QTMAN: variants seen among roughly 807,000 people sequenced by gnomAD.
QTMAN encodes queuosine-tRNA mannosyltransferase, also known as tRNA-queuosine alpha-mannosyltransferase.
the QTMAN span, among the ~76,000 whole-genome samples, chr2:144,277,941 T>C: frequency 1.3e-5 from 2 of 152,112 alleles, no homozygotes; most frequent in Non-Finnish European, 2.9e-5. Flanking sequence ...GATCTGCATA[T>C]GCCCTGAGTT....
chr2:144,327,110 G>A, the QTMAN span, among the ~76,000 whole-genome samples: 1 of 152,154 alleles, frequency 6.6e-6, no homozygotes, highest in Non-Finnish European at 1.5e-5. Context: ...AGGAAGGAAT[G>A]CTGTCATAAA....
At chr2:144,039,753 C>A in the QTMAN span, among the ~76,000 whole-genome samples, 3 of 152,174 alleles carry the variant, frequency 2.0e-5, 1 homozygote, top group South Asian at 6.2e-4. Context: ...CAGAAAGGCA[C>A]AAGGGCAACA....
chr2:144,116,707 T>C, the QTMAN span, among the ~76,000 whole-genome samples: 1 of 152,350 alleles, frequency 6.6e-6, no homozygotes, highest in African/African-American at 2.4e-5. Context: ...TATCTTCATA[T>C]CACTGTAGAT....
the QTMAN span, among the ~76,000 whole-genome samples, chr2:144,114,607 C>A: frequency 1.3e-5 from 2 of 152,122 alleles, no homozygotes; most frequent in Non-Finnish European, 2.9e-5. Flanking sequence ...GACCTTAACT[C>A]TCAGGAGAAA....
chr2:144,044,652 G>A, the QTMAN span, among the ~76,000 whole-genome samples: 1 of 152,154 alleles, frequency 6.6e-6, no homozygotes. Context: ...ATCTAAGTAT[G>A]TAAAGTAATT....
chr2:144,201,967 A>ATGACTGCACTTT, the QTMAN span, among the ~76,000 whole-genome samples: 1 of 152,210 alleles, frequency 6.6e-6, no homozygotes, highest in Non-Finnish European at 1.5e-5. Context: ...TAAGGATGAA[A>ATGACTGCACTTT]TGACTGCACT....
At chr2:144,200,869 G>A in the QTMAN span, among the ~76,000 whole-genome samples, 1 of 152,296 alleles carries the variant, frequency 6.6e-6, no homozygotes, top group African/African-American at 2.4e-5. Flanking sequence ...ATGTAGAAGA[G>A]ATGATATCTT....
the QTMAN span, among the ~76,000 whole-genome samples, chr2:143,981,544 A>C: frequency 6.6e-6 from 1 of 152,210 alleles, no homozygotes; most frequent in Non-Finnish European, 1.5e-5. Context: ...TCTGATTTTA[A>C]AAATGTTAAA....
At chr2:144,328,261 T>C in the QTMAN span, among the ~76,000 whole-genome samples, 1 of 152,212 alleles carries the variant, frequency 6.6e-6, no homozygotes, top group Non-Finnish European at 1.5e-5. Context: ...CTGGTTATTT[T>C]TTAAACACTC....
At chr2:144,058,133 A>AACACACACACAC in the QTMAN span, among the ~76,000 whole-genome samples, 7 of 97,186 alleles carry the variant, frequency 7.2e-5, no homozygotes, top group Admixed American at 1.2e-4. Flanking sequence ...CACCCCGCTA[A>AACACACACACAC]ACACACACAC....
chr2:144,199,118 A>G, the QTMAN span, among the ~76,000 whole-genome samples: 1 of 150,670 alleles, frequency 6.6e-6, no homozygotes, highest in Non-Finnish European at 1.5e-5. Flanking sequence ...CACAAGCTCG[A>G]CTCACTGCAA....
the QTMAN span, among the ~76,000 whole-genome samples, chr2:144,012,181 A>C: frequency 2.6e-5 from 4 of 152,026 alleles, no homozygotes; most frequent in Non-Finnish European, 4.4e-5. Flanking sequence ...TCTGTCCGCC[A>C]GTATGGTTCC....
At chr2:144,077,070 A>C in the QTMAN span, among the ~76,000 whole-genome samples, 1 of 151,608 alleles carries the variant, frequency 6.6e-6, no homozygotes, top group Non-Finnish European at 1.5e-5. Flanking sequence ...AAAAAGAGAG[A>C]TTAAGAATCC....
the QTMAN span, among the ~76,000 whole-genome samples, chr2:144,258,981 A>C: frequency 1.3e-4 from 20 of 152,190 alleles, no homozygotes; most frequent in Non-Finnish European, 2.1e-4. Flanking sequence ...ACTAAATTCT[A>C]ACAGAATAAT....
chr2:144,281,601 G>A, the QTMAN span, among the ~76,000 whole-genome samples: 1 of 152,220 alleles, frequency 6.6e-6, no homozygotes, highest in South Asian at 2.1e-4. Flanking sequence ...TGTATTTGGA[G>A]GCAGGGCCTT....
chr2:144,317,981 T>C, the QTMAN span, among the ~76,000 whole-genome samples: 1 of 152,166 alleles, frequency 6.6e-6, no homozygotes, highest in South Asian at 2.1e-4. Flanking sequence ...ATTGGCATTA[T>C]TATATTTTGA....
the QTMAN span, among the ~76,000 whole-genome samples, chr2:144,255,744 A>T: frequency 6.6e-6 from 1 of 152,268 alleles, no homozygotes; most frequent in Admixed American, 6.5e-5. Flanking sequence ...TTAGGGCATT[A>T]AAACTATGTT....
the QTMAN span, among the ~76,000 whole-genome samples, chr2:144,094,652 G>A: frequency 2.6e-5 from 4 of 152,224 alleles, no homozygotes; most frequent in East Asian, 1.9e-4. Context: ...AACCACCCCC[G>A]TGATTCAATG....
At chr2:144,036,966 C>G in the QTMAN span, among the ~76,000 whole-genome samples, 1 of 152,132 alleles carries the variant, frequency 6.6e-6, no homozygotes, top group Admixed American at 6.5e-5. Flanking sequence ...CTGCTACATG[C>G]TAAAATATGA....
Sources: gnomAD v4.1 joint callset for allele counts (sites outside exome capture counted in the v4.1 genomes callset) on GRCh38, gnomAD v4.1.1 for gene constraint, MANE v1.5 for transcripts, NCBI Gene and HGNC (gene_info 2026-07-23, HGNC 2026-07-21) for gene names.